UNC79: variants seen among roughly 807,000 people sequenced by gnomAD.
UNC79 encodes the protein unc-79 subunit of NALCN channel complex.
UNC79 carries 37 observed loss-of-function variants against 283.1 expected under a neutral mutation model. The observed-to-expected ratio is 0.13, with a 90% confidence interval of 0.10 to 0.17. The LOEUF is 0.17. UNC79 is among the 10% of genes least tolerant of loss of function. The probability of loss-of-function intolerance (pLI) is 1.00; values close to 1 mark genes in which losing one functional copy is unlikely to be tolerated. For missense variants in UNC79, 2,272 were observed against 3,211.1 expected (o/e 0.71, Z 7.07); for synonymous variants, 1,107 against 1,200.2 (o/e 0.92, Z 1.61).
At chr14:93,336,620 C>T (rs1417512345) in intron 1 of UNC79, among the ~76,000 whole-genome samples, 8 of 152,052 alleles carry the variant, frequency 5.3e-5, no homozygotes, top group African/African-American at 1.9e-4. Context: ...GGATTACAGG[C>T]GTGAGCCACT....
intron 11 of UNC79, among the ~76,000 whole-genome samples, chr14:93,536,188 G>C (rs951014097): frequency 6.6e-5 from 10 of 152,232 alleles, no homozygotes; most frequent in Non-Finnish European, 1.2e-4. Context: ...GAGGAAATGA[G>C]AGGAAGGTAG....
intron 1 of UNC79, among the ~76,000 whole-genome samples, chr14:93,420,202 A>G (rs935762864): frequency 6.6e-6 from 1 of 151,022 alleles, no homozygotes; most frequent in Non-Finnish European, 1.5e-5. Context: ...AGACCCAATG[A>G]TCTGTTGTCT....
In UNC79 at chr14:93,604,957, G is replaced by T. The variant is rs201526951; in HGVS notation, c.3754+1539G>T. Reference sequence around the variant, plus strand: ...CTCTCGGTGGGACACCCGAACAGACGCCAGGTGGGTACTTCTGACATTGAA... The same window carrying T: ...CTCTCGGTGGGACACCCGAACAGACTCCAGGTGGGTACTTCTGACATTGAA... On this transcript the variant is annotated intron_variant, in intron 26 of 48. Coordinates refer to ENST00000555664, the Ensembl canonical transcript of UNC79. 4.5e-5 allele frequency: 71 copies of T among 1,575,526 alleles called. 1 individual carries two copies. Among genetic ancestry groups the T allele is most frequent in the Admixed American group, 1.9e-4 (11 of 57,340 alleles).
At chr14:93,638,565 C>T (rs148875662) in intron 32 of UNC79, among the ~76,000 whole-genome samples, 1 of 152,290 alleles carries the variant, frequency 6.6e-6, no homozygotes, top group African/African-American at 2.4e-5. Flanking sequence ...TTCCTGTCTC[C>T]AAGACTCGCA....
intron 31 of UNC79, among the ~76,000 whole-genome samples, chr14:93,631,328 C>T (rs550799930): frequency 9.9e-5 from 15 of 152,086 alleles, no homozygotes; most frequent in Non-Finnish European, 1.0e-4. Flanking sequence ...TCTAGGTTAT[C>T]GTAAAATAAA....
chr14:93,492,126 C>T (rs2058756833), intron 5 of UNC79, among the ~76,000 whole-genome samples: 1 of 152,114 alleles, frequency 6.6e-6, no homozygotes, highest in Non-Finnish European at 1.5e-5. Context: ...ATTGTGAAAA[C>T]CACACAAAAA....
At position 93,418,192 on chromosome 14, in the gene UNC79, T is replaced by A. The variant is rs1340890312; in HGVS notation, c.-350-49479T>A. The stretch of plus-strand genomic sequence containing the variant: ...TTGATGATGGTGATGTACAGATGGG[T>A]TTTTGGTGTGGATGCCCTTTCTGTT... On this transcript the variant is annotated intron_variant, in intron 1 of 49. Coordinates refer to the UNC79 transcript ENST00000256339. Among the ~76,000 whole-genome samples the A allele has an allele frequency of 1.3e-5, 2 of 151,654 alleles. 1 individual carries two copies. Among genetic ancestry groups the A allele is most frequent in the Non-Finnish European group, 2.9e-5 (2 of 67,876 alleles).
At chr14:93,453,462 A>G (rs1720883591) in intron 1 of UNC79, among the ~76,000 whole-genome samples, 2 of 152,242 alleles carry the variant, frequency 1.3e-5, no homozygotes, top group East Asian at 3.8e-4. Flanking sequence ...GAGAGATTAA[A>G]TAATTTTCTA....
chr14:93,452,605 T>G (rs1437078970), intron 1 of UNC79, among the ~76,000 whole-genome samples: 1 of 152,084 alleles, frequency 6.6e-6, no homozygotes, highest in Non-Finnish European at 1.5e-5. Flanking sequence ...GACAGACTGG[T>G]CTCGACCCCT....
At chr14:93,429,302 A>G (rs205325), upstream of UNC79, among the ~76,000 whole-genome samples, 9 of 152,146 alleles carry the variant, frequency 5.9e-5, no homozygotes, top group Admixed American at 1.3e-4. Context: ...TCTCTTTGGG[A>G]TGTGGTTTTG....
intron 1 of UNC79, among the ~76,000 whole-genome samples, chr14:93,438,562 A>C (rs1283668999): frequency 6.6e-6 from 1 of 152,052 alleles, no homozygotes; most frequent in African/African-American, 2.4e-5. Context: ...CTGGAGGCTA[A>C]AATTTTTGTG....
intron 1 of UNC79, chr14:93,334,476 AG>A (rs2053531117): frequency 6.6e-6 from 1 of 152,260 alleles, no homozygotes; most frequent in Non-Finnish European, 1.5e-5. Context: ...TGGAAAAGTG[AG>A]AAAATATAAA....
At chr14:93,660,317 G>C (rs761826996) in intron 39 of UNC79, among the ~76,000 whole-genome samples, 3 of 151,850 alleles carry the variant, frequency 2.0e-5, no homozygotes, top group Non-Finnish European at 4.4e-5. Flanking sequence ...AGATCACATA[G>C]CTGGTTAGTA....
At chr14:93,524,597 C>T (rs2060464968) in intron 8 of UNC79, among the ~76,000 whole-genome samples, 1 of 152,192 alleles carries the variant, frequency 6.6e-6, no homozygotes, top group African/African-American at 2.4e-5. Context: ...AGCAACAAAA[C>T]TGGAGACAGA....
intron 40 of UNC79, among the ~76,000 whole-genome samples, chr14:93,671,126 C>G (rs1392823795): frequency 6.6e-6 from 1 of 152,062 alleles, no homozygotes; most frequent in Non-Finnish European, 1.5e-5. Context: ...AGAACCAGAG[C>G]TATATGTATC....
At chr14:93,565,413 A>G (rs1022703085) in intron 14 of UNC79, among the ~76,000 whole-genome samples, 6 of 152,192 alleles carry the variant, frequency 3.9e-5, no homozygotes, top group Admixed American at 3.3e-4. Flanking sequence ...TTTGCAAGCT[A>G]GTAAACTTCC....
At chr14:93,644,643 G>A (rs1276049513) in intron 34 of UNC79, among the ~76,000 whole-genome samples, 2 of 152,158 alleles carry the variant, frequency 1.3e-5, no homozygotes, top group Non-Finnish European at 2.9e-5. Flanking sequence ...TAAGGAGGAG[G>A]TAGCACAAGA....
chr14:93,342,998 A>G (rs1216118016), intron 1 of UNC79, among the ~76,000 whole-genome samples: 2 of 152,216 alleles, frequency 1.3e-5, no homozygotes, highest in African/African-American at 2.4e-5. Context: ...TACTATCAGT[A>G]TTTTGGTCAA....
exon 34 of UNC79, chr14:93,643,573 G>T: frequency 3.1e-6 from 5 of 1,613,886 alleles, no homozygotes; most frequent in Non-Finnish European, 4.2e-6. Context: ...TGACTGTGGG[G>T]CCATTCTTGA....
Sources: gnomAD v4.1 joint callset for allele counts (sites outside exome capture counted in the v4.1 genomes callset) on GRCh38, gnomAD v4.1.1 for gene constraint, MANE v1.5 for transcripts, NCBI Gene and HGNC (gene_info 2026-07-23, HGNC 2026-07-21) for gene names.